The following ELAPOR2 variants were observed in gnomAD, a reference collection of about 807,000 sequenced individuals.
ELAPOR2 encodes the protein endosome/lysosome-associated apoptosis and autophagy regulator family member 2.
Under a neutral mutation model 120.7 loss-of-function variants are expected in ELAPOR2, and 89 were observed. The observed-to-expected ratio is 0.74, with a 90% CI of 0.62 to 0.88. The LOEUF (loss-of-function observed/expected upper bound fraction) is 0.88, where lower values mean the gene tolerates loss of function less well. Ranked by LOEUF, ELAPOR2 falls within the 40% of genes least tolerant of loss-of-function variation. The pLI is 0.00. For synonymous variants in ELAPOR2, 444 were observed against 444.9 expected, an observed-to-expected ratio of 1.00 and a Z score of 0.03; for missense variants, 1,134 against 1,251.6, an observed-to-expected ratio of 0.91 and a Z score of 1.42.
chr7:86,892,443 G>A (rs1439256441), intron 20 of ELAPOR2, among the ~76,000 whole-genome samples: 1 of 152,004 alleles, frequency 6.6e-6, no homozygotes. Flanking sequence ...TCAGGAATTA[G>A]GCTCAATATT....
At chr7:86,958,598 C>G (rs148465707) in intron 2 of ELAPOR2, among the ~76,000 whole-genome samples, 1 of 152,174 alleles carries the variant, frequency 6.6e-6, no homozygotes, top group African/African-American at 2.4e-5. Context: ...TCCCTGAGTG[C>G]CAGCCATTCA....
chr7:86,912,295 G>T, intron 14 of ELAPOR2, 50 bp from the exon 15 acceptor site: 3 of 1,264,504 alleles, frequency 2.4e-6, no homozygotes, highest in Non-Finnish European at 2.2e-6. Flanking sequence ...AATATTAGCT[G>T]CTACTAAAAT....
At chr7:86,900,000 T>C (rs1223848662) in intron 18 of ELAPOR2, among the ~76,000 whole-genome samples, 2 of 152,080 alleles carry the variant, frequency 1.3e-5, no homozygotes, top group Non-Finnish European at 2.9e-5. Context: ...TCAAAATTTT[T>C]CTTTCTTAAA....
At chr7:87,008,987 T>C (rs1793571266) in intron 1 of ELAPOR2, among the ~76,000 whole-genome samples, 1 of 152,052 alleles carries the variant, frequency 6.6e-6, no homozygotes, top group South Asian at 2.1e-4. Context: ...TAAGAAACAG[T>C]TGTACACTGG....
intron 5 of ELAPOR2, among the ~76,000 whole-genome samples, chr7:86,940,652 T>C (rs1348302240): frequency 1.3e-5 from 2 of 152,116 alleles, no homozygotes; most frequent in South Asian, 2.1e-4. Flanking sequence ...ATATGTAGTA[T>C]TGGTTTCCTT....
At chr7:86,973,013 G>A (rs1057042953) in intron 1 of ELAPOR2, among the ~76,000 whole-genome samples, 6 of 152,078 alleles carry the variant, frequency 3.9e-5, no homozygotes, top group Admixed American at 2.6e-4. Context: ...GTCCCACATA[G>A]TAGGCAAGGG....
intron 1 of ELAPOR2, among the ~76,000 whole-genome samples, chr7:86,996,690 C>A (rs1184239675): frequency 6.6e-6 from 1 of 152,196 alleles, no homozygotes; most frequent in Non-Finnish European, 1.5e-5. Context: ...AAAGTAACGA[C>A]ACCACTTAGG....
intron 1 of ELAPOR2, among the ~76,000 whole-genome samples, chr7:87,015,812 A>G (rs1793848802): frequency 6.6e-6 from 1 of 152,132 alleles, no homozygotes; most frequent in African/African-American, 2.4e-5. Context: ...GTGACAGAGC[A>G]AAAAATATAT....
At chr7:86,933,970 G>C (rs1790450587) in intron 8 of ELAPOR2, among the ~76,000 whole-genome samples, 1 of 151,974 alleles carries the variant, frequency 6.6e-6, no homozygotes, top group South Asian at 2.1e-4. Context: ...ACCTATATAA[G>C]TGTACCTCAT....
chr7:86,999,703 G>C (rs1344132501), intron 1 of ELAPOR2, among the ~76,000 whole-genome samples: 2 of 152,106 alleles, frequency 1.3e-5, no homozygotes, highest in African/African-American at 2.4e-5. Context: ...GAAACATTCA[G>C]TGCAGTTTCA....
intron 9 of ELAPOR2, among the ~76,000 whole-genome samples, chr7:86,926,466 T>C (rs1191884797): frequency 1.3e-5 from 2 of 151,976 alleles, no homozygotes; most frequent in Non-Finnish European, 2.9e-5. Context: ...ATTGGTAGCA[T>C]GGGGGACATA....
intron 1 of ELAPOR2, among the ~76,000 whole-genome samples, chr7:87,058,886 C>G (rs913241628): frequency 6.6e-6 from 1 of 152,020 alleles, no homozygotes; most frequent in African/African-American, 2.4e-5. Flanking sequence ...TTTGCAGAGA[C>G]AGGGGAGTGG....
chr7:87,025,242 G>C (rs535907218), intron 1 of ELAPOR2, among the ~76,000 whole-genome samples: 1 of 152,154 alleles, frequency 6.6e-6, no homozygotes, highest in East Asian at 1.9e-4. Flanking sequence ...ACTATTTTCA[G>C]ACAATGCTTA....
At chr7:86,938,647 G>A (rs1457917947) in intron 7 of ELAPOR2, among the ~76,000 whole-genome samples, 161 bp downstream of exon 7, 6 of 152,004 alleles carry the variant, frequency 3.9e-5, no homozygotes, top group South Asian at 2.1e-4. Flanking sequence ...ATGCAGAAAC[G>A]GATAAGATGT....
intron 1 of ELAPOR2, among the ~76,000 whole-genome samples, chr7:87,009,039 G>A (rs772909969): frequency 4.1e-4 from 63 of 152,114 alleles, no homozygotes; most frequent in Middle Eastern, 3.2e-3. Flanking sequence ...TGAATTCACT[G>A]ACTGATGAAT....
chr7:87,006,715 A>G (rs1181387907), intron 1 of ELAPOR2, among the ~76,000 whole-genome samples: 2 of 152,198 alleles, frequency 1.3e-5, no homozygotes, highest in Non-Finnish European at 2.9e-5. Context: ...CCCAAAAGAT[A>G]TAAAACCATA....
In ELAPOR2 at chr7:86,947,926, G is replaced by A; in HGVS notation, c.311-4C>T. The A allele has an allele frequency of 6.5e-7, 1 of 1,547,342 alleles. No homozygotes were observed. Among genetic ancestry groups the A allele is most frequent in the Non-Finnish European group, 8.7e-7 (1 of 1,143,222 alleles). On this transcript the variant is annotated splice_region_variant and splice_polypyrimidine_tract_variant and intron_variant, in intron 2 of 21. Coordinates refer to ENST00000450689, the MANE Select transcript of ELAPOR2 (RefSeq NM_001142749.3). ...TCTCCAGAAGCACAGGAGAAAGCTG[G>A]AAGGCAGAAGAATGGACAACCCATT...
Position 86,878,407 on chromosome 7 carries a change from C to A in ELAPOR2, c.*2064G>T, listed in dbSNP as rs1393823355. The stretch of plus-strand genomic sequence containing the variant: ...TCTAAAATTAGAAATAAAATAAATT[C>A]TCCAATATCAACTACATTTTCGGAG... On this transcript the variant is annotated 3_prime_UTR_variant, in exon 22 of 22. Transcript: ENST00000450689. The A allele has an allele frequency of 2.6e-5, 4 of 152,166 alleles. No homozygotes were observed. The highest frequency in any genetic ancestry group is 9.7e-5 in the African/African-American group (4 of 41,448). The allele number at this position is 152,166 out of a possible 1,614,324, so 9.4% of individuals were successfully genotyped here.
At chr7:86,993,862 T>G (rs191067138) in intron 1 of ELAPOR2, among the ~76,000 whole-genome samples, 1 of 152,334 alleles carries the variant, frequency 6.6e-6, no homozygotes, top group East Asian at 1.9e-4. Flanking sequence ...ACAAGTTTCC[T>G]CTACTCACCA....
Sources: gnomAD v4.1 joint callset for allele counts (sites outside exome capture counted in the v4.1 genomes callset) on GRCh38, gnomAD v4.1.1 for gene constraint, MANE v1.5 for transcripts, NCBI Gene and HGNC (gene_info 2026-07-23, HGNC 2026-07-21) for gene names.